Variants in LPP observed in about 807,000 individuals in gnomAD.
LPP encodes lipoma-preferred partner.
A neutral mutation model predicts 60.4 loss-of-function variants in LPP; 38 were observed. That is an observed-to-expected ratio of 0.63 (90% CI 0.49 to 0.83). The LOEUF (loss-of-function observed/expected upper bound fraction) is 0.83, where lower values mean the gene tolerates loss of function less well. LPP is among the 40% of genes least tolerant of loss of function. The pLI, the probability that LPP is intolerant of heterozygous loss-of-function variation, is 0.00. For missense variants in LPP, 902 were observed against 783.6 expected (o/e 1.15, Z -1.80); for synonymous variants, 328 against 290.8 (o/e 1.13, Z -1.30).
intron 2 of LPP, among the ~76,000 whole-genome samples, chr3:188,276,894 CTTTTTTTTTTTTT>C (rs1203656488): frequency 7.9e-5 from 3 of 38,204 alleles, no homozygotes; most frequent in South Asian, 1.1e-3. Flanking sequence ...CTTTTCTTTT[CTTTTTTTTTTTTT>C]TTTTTTTTTT....
At chr3:188,198,919 C>T (rs1226546611) in intron 1 of LPP, among the ~76,000 whole-genome samples, 1 of 152,140 alleles carries the variant, frequency 6.6e-6, no homozygotes, top group African/African-American at 2.4e-5. Context: ...CAAATTACCC[C>T]CAAACTCAGT....
chr3:188,430,719 G>T (rs565343797), intron 4 of LPP, among the ~76,000 whole-genome samples: 1 of 152,088 alleles, frequency 6.6e-6, no homozygotes, highest in African/African-American at 2.4e-5. Context: ...AAATCTTTTT[G>T]TTGCAACCTG....
intron 6 of LPP, among the ~76,000 whole-genome samples, chr3:188,556,406 A>T (rs1829470487): frequency 6.6e-6 from 1 of 152,078 alleles, no homozygotes. Context: ...TATTGGGAAG[A>T]TTGCAAAAAT....
intron 2 of LPP, among the ~76,000 whole-genome samples, chr3:188,240,900 G>A (rs926086658): frequency 6.6e-6 from 1 of 152,186 alleles, no homozygotes; most frequent in African/African-American, 2.4e-5. Flanking sequence ...GTTCCGTGTG[G>A]AGAGCAAGGC....
intron 9 of LPP, among the ~76,000 whole-genome samples, chr3:188,816,963 T>C (rs1004170277): frequency 6.6e-6 from 1 of 152,238 alleles, no homozygotes; most frequent in Non-Finnish European, 1.5e-5. Flanking sequence ...CCTTTTTTTC[T>C]TCCTCAAGAG....
intron 3 of LPP, among the ~76,000 whole-genome samples, chr3:188,378,139 G>T (rs1775755612): frequency 6.6e-6 from 1 of 152,214 alleles, no homozygotes; most frequent in Non-Finnish European, 1.5e-5. Flanking sequence ...TCCCAGTTAG[G>T]CTACTTGCGG....
intron 7 of LPP, among the ~76,000 whole-genome samples, chr3:188,707,457 C>T (rs907215333): frequency 6.6e-6 from 1 of 152,182 alleles, no homozygotes; most frequent in Non-Finnish European, 1.5e-5. Flanking sequence ...CTCTGTATGT[C>T]TTCACATCCT....
chr3:188,306,755 C>T (rs1751668454), intron 2 of LPP, among the ~76,000 whole-genome samples: 1 of 152,164 alleles, frequency 6.6e-6, no homozygotes, highest in Admixed American at 6.5e-5. Context: ...CTAATTATTG[C>T]CACGTGGAGA....
At chr3:188,475,394 T>A (rs1802891267) in intron 4 of LPP, among the ~76,000 whole-genome samples, 1 of 152,238 alleles carries the variant, frequency 6.6e-6, no homozygotes, top group Non-Finnish European at 1.5e-5. Flanking sequence ...GATTCTGCGA[T>A]TCATTTTAAA....
intron 1 of LPP, among the ~76,000 whole-genome samples, chr3:188,193,663 C>T (rs1728772074): frequency 6.6e-6 from 1 of 152,034 alleles, no homozygotes; most frequent in Admixed American, 6.5e-5. Flanking sequence ...GTCTGGTGGA[C>T]ACTAGTTTTG....
intron 4 of LPP, among the ~76,000 whole-genome samples, chr3:188,430,930 T>TA (rs1790737914): frequency 6.6e-6 from 1 of 152,152 alleles, no homozygotes; most frequent in African/African-American, 2.4e-5. Context: ...TTTTTTTCTT[T>TA]AGGATTTCTT....
At chr3:188,482,270 T>C (rs1805012677) in intron 4 of LPP, among the ~76,000 whole-genome samples, 1 of 152,296 alleles carries the variant, frequency 6.6e-6, no homozygotes, top group East Asian at 1.9e-4. Flanking sequence ...CAGGCAGTTA[T>C]TTATAGCAGT....
intron 2 of LPP, among the ~76,000 whole-genome samples, chr3:188,284,394 GAGGGGCTTACGGGA>G (rs1280368371): frequency 6.6e-6 from 1 of 152,144 alleles, no homozygotes; most frequent in African/African-American, 2.4e-5. Flanking sequence ...GGTTGGAGAA[GAGGGGCTTACGGGA>G]AGGATGGGCA....
At chr3:188,812,439 C>A (rs1377074302) in intron 9 of LPP, among the ~76,000 whole-genome samples, 6 of 152,030 alleles carry the variant, frequency 3.9e-5, no homozygotes, top group Admixed American at 6.6e-5. Flanking sequence ...TGAATGTAAT[C>A]AGAACATAAA....
intron 2 of LPP, among the ~76,000 whole-genome samples, chr3:188,318,539 T>G (rs1347690150): frequency 6.6e-6 from 1 of 152,116 alleles, no homozygotes. Context: ...AGACTTGAGT[T>G]TGTAAACTCG....
intron 1 of LPP, among the ~76,000 whole-genome samples, chr3:188,189,798 A>G (rs1190090202): frequency 2.6e-5 from 4 of 152,052 alleles, no homozygotes; most frequent in Non-Finnish European, 5.9e-5. Flanking sequence ...CTTTGTAGAC[A>G]CCTGCCTTAG....
chr3:188,267,261 A>G (rs1400346941), intron 2 of LPP, among the ~76,000 whole-genome samples: 1 of 152,120 alleles, frequency 6.6e-6, no homozygotes. Context: ...ACTGCTGTGC[A>G]TGCTCTCTGG....
chr3:188,846,697 A>G (rs1761508211), intron 9 of LPP, among the ~76,000 whole-genome samples: 1 of 151,690 alleles, frequency 6.6e-6, no homozygotes, highest in South Asian at 2.1e-4. Flanking sequence ...AAAAAAAAAA[A>G]AAAAAAGAGA....
chr3:188,326,650 A>T (rs1023209164), intron 2 of LPP, among the ~76,000 whole-genome samples: 1 of 152,242 alleles, frequency 6.6e-6, no homozygotes, highest in African/African-American at 2.4e-5. Context: ...TAAAAGTGAC[A>T]TGATGCTTTT....
Sources: allele counts gnomAD v4.1 joint callset (sites outside exome capture counted in the v4.1 genomes callset), GRCh38; gene constraint gnomAD v4.1.1; transcripts MANE v1.5; gene names NCBI Gene and HGNC (gene_info 2026-07-23, HGNC 2026-07-21).